MARK2: variants seen among roughly 807,000 people sequenced by gnomAD.
MARK2 encodes microtubule affinity regulating kinase 2.
MARK2 carries 16 observed loss-of-function variants against 89.8 expected under a neutral mutation model. The observed-to-expected ratio is 0.18, with a 90% confidence interval of 0.12 to 0.27. The LOEUF (loss-of-function observed/expected upper bound fraction) is 0.27. MARK2 is among the 10% of genes least tolerant of loss of function. The probability of loss-of-function intolerance (pLI) is 1.00; values close to 1 mark genes in which losing one functional copy is unlikely to be tolerated. For missense variants in MARK2, 621 were observed against 1,049.9 expected (o/e 0.59, Z 5.65); for synonymous variants, 382 against 399.5 (o/e 0.96, Z 0.52).
intron 1 of MARK2, among the ~76,000 whole-genome samples, chr11:63,873,038 T>C (rs1938549978): frequency 6.6e-6 from 1 of 151,860 alleles, no homozygotes; most frequent in Non-Finnish European, 1.5e-5. Flanking sequence ...AGCACGTTAC[T>C]GTCCCGGGCT....
chr11:63,890,172 G>A lies in MARK2; in HGVS notation c.55-4987G>A. 3 of 1,207,372 alleles carry A rather than the reference G, an allele frequency of 2.5e-6. No homozygotes were observed. The South Asian group carries it at 3.7e-5, about 15-fold the overall frequency. The allele number at this position is 1,207,372 out of a possible 1,614,324, so 74.8% of individuals were successfully genotyped here. A position where few individuals can be genotyped will look rare whatever the true frequency, so the allele number is the denominator to read the frequency against. On this transcript the variant is annotated intron_variant, in intron 1 of 18. Transcript: ENST00000402010. ...CCTTGGCCCAAGAAGCATTTCTGTT[G>A]GAGACTCTCTCCTCTCTTTTCCCTT...
intron 1 of MARK2, among the ~76,000 whole-genome samples, chr11:63,869,923 C>G (rs936188392): frequency 2.0e-5 from 3 of 152,130 alleles, no homozygotes; most frequent in African/African-American, 4.8e-5. Context: ...CAGGAAGACA[C>G]TCAGGGCTCG....
intron 1 of MARK2, among the ~76,000 whole-genome samples, chr11:63,859,024 T>G (rs1196984263): frequency 1.3e-5 from 2 of 152,226 alleles, no homozygotes; most frequent in Non-Finnish European, 2.9e-5. Flanking sequence ...TCATTTGGCT[T>G]ACTTGGATTT....
rs144667817 is a variant in MARK2 at position 63,904,367 on chromosome 11, C to T, written c.1676+220C>T. ...CCTCTCAGAACAGGTATGCAGGAAG[C>T]TGTCCTAAGGCTCCAAAGGGAAACC... On this transcript the variant is annotated intron_variant, in intron 15 of 18. Coordinates refer to ENST00000402010, the MANE Select transcript of MARK2 (RefSeq NM_001039469.3). This position sits in a 1 kb window ranked among gnomAD's most constrained non-coding sequence, Gnocchi z 6.3. 2.6e-3 allele frequency among the ~76,000 whole-genome samples: 394 copies of T among 152,304 alleles called. 1 individual carries two copies. The highest frequency in any genetic ancestry group is 4.2e-3 in the Non-Finnish European group (286 of 68,010).
rs529091242 is a variant in MARK2, at chr11:63,879,239, A to G, written c.55-15920A>G. On this transcript the variant is annotated intron_variant, in intron 1 of 18. Transcript: ENST00000402010. Reference sequence around the variant, plus strand: ...GGAGAATCACTTGAACCCAGGAGGTAGAGGTTGCAGTGAGCTGAGATGACA... The same window carrying G: ...GGAGAATCACTTGAACCCAGGAGGTGGAGGTTGCAGTGAGCTGAGATGACA... Among the ~76,000 whole-genome samples, 3 of 152,226 alleles carry G rather than the reference A, an allele frequency of 2.0e-5. No individual in the cohort carries two copies. In the East Asian group the frequency reaches 5.8e-4, roughly 29 times the overall value.
chr11:63,847,933 A>G (rs934758920), intron 1 of MARK2, among the ~76,000 whole-genome samples: 1 of 152,168 alleles, frequency 6.6e-6, no homozygotes, highest in African/African-American at 2.4e-5. Context: ...GTGACATCCC[A>G]GGCCTTTTTT....
chr11:63,842,310 G>A (rs1361325545), intron 1 of MARK2, among the ~76,000 whole-genome samples: 2 of 151,298 alleles, frequency 1.3e-5, no homozygotes, highest in Non-Finnish European at 2.9e-5. Context: ...TCCGCCTCCT[G>A]GGTTCAAGCG....
rs750155967 is a variant in MARK2, at chr11:63,910,652, A to ATTTTTTTTTTT, written c.*1419_*1429dup. 4.4e-5 allele frequency: 6 copies of ATTTTTTTTTTT among 137,420 alleles called. No homozygotes were observed. Among genetic ancestry groups the ATTTTTTTTTTT allele is most frequent in the Non-Finnish European group, 6.2e-5 (4 of 64,262 alleles). 8.5% of individuals were successfully genotyped at this position (137,420 alleles called of 1,614,324 possible). Reference sequence around the variant, plus strand: ...GTTTTATTTTTTATTATTTTATTTTATTTTTTTTTTTTTTGATTTATGATG... The same window carrying ATTTTTTTTTTT: ...GTTTTATTTTTTATTATTTTATTTTATTTTTTTTTTTTTTTTTTTTTTTTTGATTTATGATG... On this transcript the variant is annotated 3_prime_UTR_variant, in exon 19 of 19. Coordinates refer to ENST00000402010, the MANE Select transcript of MARK2 (RefSeq NM_001039469.3).
rs1941567912 is a variant in MARK2 at position 63,908,882 on chromosome 11, A to G, written c.2012A>G (p.His671Arg). ...CGCCTCTGCCCTCTCCACAGACCTC[A>G]CGTGGTGGGCAGTGGCGGCAACGAC... is the stretch of plus-strand genomic sequence containing the variant. The part of the protein sequence containing the change: ...SKDRVETLRP[H>R]VVGSGGNDKE... Residue 671 changes from histidine (H) to arginine (R), a missense_variant, in exon 19 of 19, where the codon CAC becomes CGC. Physicochemically the swap from His to Arg is conservative, Grantham distance 29. Coordinates refer to ENST00000402010, the MANE Select transcript of MARK2 (RefSeq NM_001039469.3). 1 of 1,504,746 alleles carries G rather than the reference A, an allele frequency of 6.6e-7. No homozygotes were observed. Among genetic ancestry groups the G allele is most frequent in the Non-Finnish European group, 8.9e-7 (1 of 1,121,744 alleles). The allele number at this position is 1,504,746 out of a possible 1,614,324, so 93.2% of individuals were successfully genotyped here.
chr11:63,863,440 C>T (rs1268369381), intron 1 of MARK2, among the ~76,000 whole-genome samples: 1 of 137,004 alleles, frequency 7.3e-6, no homozygotes, highest in African/African-American at 2.8e-5. Context: ...TGAACTATTG[C>T]CCTCCCCCAC....
intron 1 of MARK2, among the ~76,000 whole-genome samples, chr11:63,871,100 G>C (rs1160390468): frequency 6.6e-6 from 1 of 152,086 alleles, no homozygotes; most frequent in South Asian, 2.1e-4. Context: ...AGTTATGTTT[G>C]TGTGTGTGTA....
intron 1 of MARK2, among the ~76,000 whole-genome samples, chr11:63,840,542 G>T (rs1231069075): frequency 6.6e-6 from 1 of 152,122 alleles, no homozygotes; most frequent in Admixed American, 6.5e-5. Context: ...GTCTTCGTAC[G>T]CTGGAACACA....
chr11:63,856,768 G>GGTTTTTTTTTTTTT (rs1565100741), intron 1 of MARK2, among the ~76,000 whole-genome samples: 1 of 53,796 alleles, frequency 1.9e-5, no homozygotes, highest in African/African-American at 7.3e-5. Context: ...AATTTTTCAT[G>GGTTTTTTTTTTTTT]TTTTTTTTTT....
chr11:63,897,430 A>G (rs2135332316), intron 3 of MARK2, among the ~76,000 whole-genome samples: 1 of 152,334 alleles, frequency 6.6e-6, no homozygotes, highest in East Asian at 1.9e-4. Context: ...AGGGGAAACA[A>G]ATGTATTCAC....
chr11:63,870,960 T>G (rs1382832435), intron 1 of MARK2, among the ~76,000 whole-genome samples: 5 of 152,160 alleles, frequency 3.3e-5, no homozygotes, highest in African/African-American at 1.2e-4. Flanking sequence ...AGTCTGGAGC[T>G]GCAGGCAGGG....
chr11:63,903,210 G>A lies in MARK2; in HGVS notation c.1514+52G>A. On this transcript the variant is annotated intron_variant, in intron 14 of 18. Coordinates refer to ENST00000402010, the MANE Select transcript of MARK2 (RefSeq NM_001039469.3). The surrounding 1 kb of genome is among the most constrained non-coding windows in gnomAD (Gnocchi z 5.1). ...CACTCCCTAGGAGCCATGTCTCACAGGGTGATGTCTGTCAGCAGCACCGTC... is the reference window on the plus strand; with the variant it reads ...CACTCCCTAGGAGCCATGTCTCACAAGGTGATGTCTGTCAGCAGCACCGTC... 7.3e-7 allele frequency: 1 copy of A among 1,368,416 alleles called. No homozygotes were observed. Among genetic ancestry groups the A allele is most frequent in the East Asian group, 2.3e-5 (1 of 43,718 alleles). The allele number at this position is 1,368,416 out of a possible 1,614,324, so 84.8% of individuals were successfully genotyped here. A position where few individuals can be genotyped will look rare whatever the true frequency, so the allele number is the denominator to read the frequency against.
At chr11:63,876,299 A>G (rs932491728) in intron 1 of MARK2, among the ~76,000 whole-genome samples, 4 of 152,186 alleles carry the variant, frequency 2.6e-5, no homozygotes, top group African/African-American at 9.7e-5. Flanking sequence ...GATACAGAGA[A>G]TTCGTGATGA....
chr11:63,884,116 G>A (rs774987149), intron 1 of MARK2, among the ~76,000 whole-genome samples: 2 of 152,180 alleles, frequency 1.3e-5, no homozygotes, highest in African/African-American at 2.4e-5. Flanking sequence ...TGCAACTGGA[G>A]CCAGGGCTCC....
chr11:63,907,891 G>T (rs1359924444), intron 17 of MARK2, among the ~76,000 whole-genome samples: 1 of 152,236 alleles, frequency 6.6e-6, no homozygotes, highest in Admixed American at 6.5e-5. Context: ...CCAGAACAGC[G>T]CGTGAGCCCT....
Sources: allele counts gnomAD v4.1 joint callset (sites outside exome capture counted in the v4.1 genomes callset), GRCh38; gene constraint gnomAD v4.1.1; non-coding constraint Gnocchi (gnomAD v3.1); transcripts MANE v1.5; gene names NCBI Gene and HGNC (gene_info 2026-07-23, HGNC 2026-07-21).